The following RERG variants were observed in gnomAD, a reference collection of about 807,000 sequenced individuals.
RERG encodes the protein ras-related and estrogen-regulated growth inhibitor.
In RERG, 25 loss-of-function variants were observed where a neutral mutation model predicts 23.2. The ratio of observed to expected loss-of-function variants is 1.08; its 90% CI spans 0.79 to 1.50. The LOEUF is 1.50. Ranked by LOEUF, RERG falls within the 40% of genes most tolerant of loss-of-function variation. The pLI, the probability that RERG is intolerant of heterozygous loss-of-function variation, is 0.00. For synonymous variants in RERG, 81 were observed against 89.1 expected (o/e 0.91, Z 0.51); for missense variants, 253 against 250.1 (o/e 1.01, Z -0.08).
chr12:15,123,530 AAAT>A (rs199615201), intron 2 of RERG, among the ~76,000 whole-genome samples: 92,790 of 146,858 alleles, frequency 0.63, 29,622 homozygotes, highest in Admixed American at 0.73. Context: ...TATTAAATTT[AAAT>A]AATAAATATA....
intron 2 of RERG, among the ~76,000 whole-genome samples, chr12:15,171,125 T>C (rs899757372): frequency 1.1e-4 from 16 of 152,232 alleles, no homozygotes; most frequent in African/African-American, 3.9e-4. Flanking sequence ...TCCTTCAGGA[T>C]GCACCCATGT....
At chr12:15,128,796 A>G (rs893573218) in intron 2 of RERG, among the ~76,000 whole-genome samples, 1 of 152,166 alleles carries the variant, frequency 6.6e-6, no homozygotes, top group Non-Finnish European at 1.5e-5. Context: ...CCTAAATAAG[A>G]GGCAATTCAG....
chr12:15,151,060 A>G (rs1352888836), intron 2 of RERG, among the ~76,000 whole-genome samples: 1 of 152,220 alleles, frequency 6.6e-6, no homozygotes, highest in Non-Finnish European at 1.5e-5. Flanking sequence ...TTGGTCCACT[A>G]CAGCCTGTTT....
intron 2 of RERG, among the ~76,000 whole-genome samples, chr12:15,198,194 A>C (rs1865170338): frequency 6.6e-6 from 1 of 151,972 alleles, no homozygotes; most frequent in South Asian, 2.1e-4. Flanking sequence ...AGATGGTTCA[A>C]CTTACTGTTA....
intron 2 of RERG, among the ~76,000 whole-genome samples, chr12:15,144,358 T>C (rs1052102980): frequency 3.3e-5 from 5 of 152,100 alleles, no homozygotes; most frequent in East Asian, 3.9e-4. Flanking sequence ...AAAGATGCTA[T>C]TTAAAGCCAC....
intron 2 of RERG, among the ~76,000 whole-genome samples, chr12:15,185,686 G>A (rs1864981332): frequency 6.6e-6 from 1 of 152,050 alleles, no homozygotes; most frequent in Admixed American, 6.6e-5. Flanking sequence ...TACTAGAGGG[G>A]GAAAGGTAAG....
intron 2 of RERG, among the ~76,000 whole-genome samples, chr12:15,146,614 G>C (rs1410004807): frequency 6.6e-6 from 1 of 152,328 alleles, no homozygotes; most frequent in East Asian, 1.9e-4. Flanking sequence ...ATCTGGGACT[G>C]TCAATTTGAA....
intron 2 of RERG, among the ~76,000 whole-genome samples, chr12:15,129,686 G>A (rs1036154246): frequency 3.1e-4 from 47 of 152,078 alleles, no homozygotes; most frequent in African/African-American, 1.1e-3. Context: ...AGCTAGTTCA[G>A]TTAGGAATCA....
intron 2 of RERG, among the ~76,000 whole-genome samples, chr12:15,125,525 G>A (rs1382484976): frequency 6.6e-6 from 1 of 151,756 alleles, no homozygotes; most frequent in Non-Finnish European, 1.5e-5. Flanking sequence ...ATCTTACCTT[G>A]ACCAGCAAAA....
At position 15,217,270 on chromosome 12, in the gene RERG, G is replaced by A. The variant is rs554885711; in HGVS notation, c.61+159C>T. 7.0e-5 allele frequency: 42 copies of A among 603,738 alleles called. 3 individuals are homozygous for A. The Middle Eastern group carries it at 6.8e-3, about 97-fold the overall frequency. The allele number at this position is 603,738 out of a possible 1,614,324, so 37.4% of individuals were successfully genotyped here. Reference sequence around the variant, plus strand: ...AAAAGGATACGTAACAGTCGATTACGCAAAATAAAAGTTCTAGATGAAGAG... The same window carrying A: ...AAAAGGATACGTAACAGTCGATTACACAAAATAAAAGTTCTAGATGAAGAG... On this transcript the variant is annotated intron_variant, in intron 2 of 4. Transcript: ENST00000256953.
intron 1 of RERG, among the ~76,000 whole-genome samples, chr12:15,220,513 A>G (rs1865498466): frequency 6.6e-6 from 1 of 151,960 alleles, no homozygotes; most frequent in Admixed American, 6.6e-5. Flanking sequence ...TGATATTTAG[A>G]TAACTGTAAC....
At chr12:15,202,141 A>T (rs1454048018) in intron 2 of RERG, among the ~76,000 whole-genome samples, 4 of 151,826 alleles carry the variant, frequency 2.6e-5, no homozygotes, top group African/African-American at 9.7e-5. Flanking sequence ...AAAAAACTGT[A>T]TATATTTAAT....
chr12:15,134,289 T>C (rs751305586), intron 2 of RERG, among the ~76,000 whole-genome samples: 2 of 152,138 alleles, frequency 1.3e-5, no homozygotes, highest in African/African-American at 2.4e-5. Context: ...AATATCTATA[T>C]CCAGGTTCAT....
chr12:15,126,563 T>C (rs1318297835), intron 2 of RERG, among the ~76,000 whole-genome samples: 1 of 152,136 alleles, frequency 6.6e-6, no homozygotes, highest in East Asian at 1.9e-4. Flanking sequence ...AAGCTGATGT[T>C]AGTTTAGCAT....
At chr12:15,185,067 C>T (rs1279473249) in intron 2 of RERG, among the ~76,000 whole-genome samples, 3 of 152,140 alleles carry the variant, frequency 2.0e-5, no homozygotes, top group Non-Finnish European at 2.9e-5. Flanking sequence ...ATCTCAGGGA[C>T]AGGTGCAGAC....
intron 2 of RERG, among the ~76,000 whole-genome samples, chr12:15,213,893 A>G (rs1425226280): frequency 6.6e-6 from 1 of 152,178 alleles, no homozygotes; most frequent in East Asian, 1.9e-4. Flanking sequence ...TTTTTACAAG[A>G]TTAAATATAA....
At chr12:15,110,472 T>TC (rs1565503874) in intron 4 of RERG, among the ~76,000 whole-genome samples, 1 of 76,446 alleles carries the variant, frequency 1.3e-5, no homozygotes, top group South Asian at 4.4e-4. Context: ...TCTTTTTTTT[T>TC]TTTTTTTTTT....
chr12:15,181,416 G>A (rs139397666), intron 2 of RERG, among the ~76,000 whole-genome samples: 1 of 152,166 alleles, frequency 6.6e-6, no homozygotes, highest in African/African-American at 2.4e-5. Context: ...GCTAATGGCT[G>A]GGCTTTGCAG....
chr12:15,216,153 G>A (rs1321784051), intron 2 of RERG, among the ~76,000 whole-genome samples: 1 of 152,144 alleles, frequency 6.6e-6, no homozygotes, highest in Non-Finnish European at 1.5e-5. Flanking sequence ...TCATTCTCCA[G>A]ATCCTTCTAC....
Sources: allele counts gnomAD v4.1 joint callset (sites outside exome capture counted in the v4.1 genomes callset), GRCh38; gene constraint gnomAD v4.1.1; transcripts MANE v1.5; gene names NCBI Gene and HGNC (gene_info 2026-07-23, HGNC 2026-07-21).